The following TMCC1 variants were observed in gnomAD, a reference collection of about 807,000 sequenced individuals.
TMCC1 encodes the protein transmembrane and coiled-coil domain family 1.
In TMCC1, 15 loss-of-function variants were observed where a neutral mutation model predicts 52.4. The observed-to-expected ratio is 0.29, with a 90% CI of 0.19 to 0.44. The LOEUF (loss-of-function observed/expected upper bound fraction) is 0.44. TMCC1 is among the 20% of genes least tolerant of loss of function. The pLI is 1.00. For missense variants in TMCC1, 503 were observed against 806.0 expected (o/e 0.62, Z 4.55); for synonymous variants, 279 against 301.9 (o/e 0.92, Z 0.79).
At chr3:129,865,475 T>C (rs2060582099) in intron 2 of TMCC1, among the ~76,000 whole-genome samples, 1 of 152,110 alleles carries the variant, frequency 6.6e-6, no homozygotes, top group African/African-American at 2.4e-5. Context: ...AAAATAAGGA[T>C]GTATTATGTT....
At chr3:129,812,786 C>A (rs969115218) in intron 4 of TMCC1, among the ~76,000 whole-genome samples, 2 of 151,996 alleles carry the variant, frequency 1.3e-5, no homozygotes, top group Non-Finnish European at 1.5e-5. Flanking sequence ...AACAAAGATG[C>A]CAAAAGCGAT....
At chr3:129,741,019 CTT>C (rs1272504747) in intron 4 of TMCC1, among the ~76,000 whole-genome samples, 3 of 152,168 alleles carry the variant, frequency 2.0e-5, no homozygotes, top group Admixed American at 6.5e-5. Context: ...ATACCTTAAG[CTT>C]TCATATGTCT....
At chr3:129,746,897 C>T (rs750972818) in intron 4 of TMCC1, among the ~76,000 whole-genome samples, 1 of 152,122 alleles carries the variant, frequency 6.6e-6, no homozygotes, top group Non-Finnish European at 1.5e-5. Context: ...CTTACTTGGC[C>T]TCTTGCTAGT....
At chr3:129,810,509 A>T (rs2057747482) in intron 4 of TMCC1, among the ~76,000 whole-genome samples, 1 of 152,236 alleles carries the variant, frequency 6.6e-6, no homozygotes. Flanking sequence ...AACTCCTGAC[A>T]ATAGAAAACA....
At position 129,723,527 on chromosome 3, in the gene TMCC1, T is replaced by G. The variant is rs912399802; in HGVS notation, c.577-52263A>C. Among the ~76,000 whole-genome samples the G allele has an allele frequency of 1.7e-4, 25 of 151,056 alleles. 1 individual carries two copies. The highest frequency in any genetic ancestry group is 1.5e-4 in the Non-Finnish European group (10 of 67,808). ...AAGCAGTCCAAGGCAAATGAAACTC[T>G]TGTTCATTGAAAGAAACACTGATTT... On this transcript the variant is annotated intron_variant, in intron 4 of 6. Coordinates refer to ENST00000393238, the MANE Select transcript of TMCC1 (RefSeq NM_001017395.5).
At chr3:129,720,030 A>C (rs995010099) in intron 4 of TMCC1, among the ~76,000 whole-genome samples, 2 of 152,058 alleles carry the variant, frequency 1.3e-5, no homozygotes. Flanking sequence ...AAAAAGAAAT[A>C]AATTAGCAAA....
At chr3:129,729,435 C>T (rs1184189645) in intron 4 of TMCC1, among the ~76,000 whole-genome samples, 1 of 151,938 alleles carries the variant, frequency 6.6e-6, no homozygotes, top group Non-Finnish European at 1.5e-5. Context: ...GACATTTGAC[C>T]ATGTATTATA....
At chr3:129,740,841 T>A (rs951916764) in intron 4 of TMCC1, among the ~76,000 whole-genome samples, 3 of 152,200 alleles carry the variant, frequency 2.0e-5, no homozygotes, top group Non-Finnish European at 4.4e-5. Flanking sequence ...TTTCAAAGAT[T>A]CTAGCACACG....
chr3:129,756,334 T>C (rs922669688), intron 4 of TMCC1, among the ~76,000 whole-genome samples: 2 of 152,200 alleles, frequency 1.3e-5, no homozygotes, highest in Admixed American at 1.3e-4. Context: ...GTAATTACAT[T>C]CATACAATGG....
At chr3:129,732,817 C>G (rs2050645246) in intron 4 of TMCC1, among the ~76,000 whole-genome samples, 1 of 152,138 alleles carries the variant, frequency 6.6e-6, no homozygotes, top group Admixed American at 6.5e-5. Flanking sequence ...GCTTGAGGTT[C>G]ATGGTGCAAG....
In TMCC1 at chr3:129,886,962, A is replaced by C. The variant is rs190638525; in HGVS notation, c.-434-6403T>G. Among the ~76,000 whole-genome samples, 196 of 151,986 alleles carry C rather than the reference A, an allele frequency of 1.3e-3. 1 individual carries two copies. The highest frequency in any genetic ancestry group is 6.8e-3 in the Middle Eastern group (2 of 294). On this transcript the variant is annotated intron_variant, in intron 1 of 6. Transcript: ENST00000393238. The stretch of plus-strand genomic sequence containing the variant: ...AAATAAAATAAAATAAACAAAAAAA[A>C]CCCCAAAAGGCCAGGTATTATGATT...
intron 2 of TMCC1, among the ~76,000 whole-genome samples, chr3:129,871,779 C>A (rs543420480): frequency 6.6e-6 from 1 of 152,018 alleles, no homozygotes; most frequent in East Asian, 1.9e-4. Flanking sequence ...AATGTGTAAT[C>A]AATGAAAAAA....
intron 4 of TMCC1, among the ~76,000 whole-genome samples, chr3:129,720,201 A>AAAAAAAAAAAAAAAAAAAAAAAAAAAAG (rs1560263938): frequency 1.3e-5 from 2 of 151,198 alleles, no homozygotes; most frequent in African/African-American, 4.9e-5. Flanking sequence ...AAAAAAAAAA[A>AAAAAAAAAAAAAAAAAAAAAAAAAAAAG]AGAGATGGAA....
At chr3:129,751,340 G>A (rs2052497836) in intron 4 of TMCC1, among the ~76,000 whole-genome samples, 1 of 152,010 alleles carries the variant, frequency 6.6e-6, no homozygotes, top group Non-Finnish European at 1.5e-5. Context: ...GACAAGCCTG[G>A]GCAACATAGT....
chr3:129,839,921 T>G (rs546625675), intron 2 of TMCC1, among the ~76,000 whole-genome samples: 71 of 149,958 alleles, frequency 4.7e-4, no homozygotes, highest in African/African-American at 1.7e-3. Flanking sequence ...ATGCAACAAA[T>G]AGAGAAGAGC....
At chr3:129,868,213 G>A (rs561118250) in intron 2 of TMCC1, among the ~76,000 whole-genome samples, 14 of 151,998 alleles carry the variant, frequency 9.2e-5, no homozygotes, top group African/African-American at 2.4e-4. Flanking sequence ...ATGAAAATTC[G>A]CATACTATTG....
At chr3:129,824,366 A>G (rs1441084682) in intron 4 of TMCC1, among the ~76,000 whole-genome samples, 1 of 152,102 alleles carries the variant, frequency 6.6e-6, no homozygotes, top group Non-Finnish European at 1.5e-5. Context: ...ACAAACAGAA[A>G]CAAACTTTAA....
At chr3:129,885,061 C>T (rs1445225243) in intron 1 of TMCC1, among the ~76,000 whole-genome samples, 2 of 151,868 alleles carry the variant, frequency 1.3e-5, no homozygotes, top group Admixed American at 1.3e-4. Context: ...ATTGCTTGAA[C>T]CCGGGAGGTC....
intron 4 of TMCC1, among the ~76,000 whole-genome samples, chr3:129,777,326 C>T (rs374897718): frequency 4.6e-5 from 7 of 152,104 alleles, no homozygotes; most frequent in Non-Finnish European, 5.9e-5. Context: ...CATACTAGAG[C>T]AATTTAGAGT....
Sources: gnomAD v4.1 joint callset for allele counts (sites outside exome capture counted in the v4.1 genomes callset) on GRCh38, gnomAD v4.1.1 for gene constraint, MANE v1.5 for transcripts, NCBI Gene and HGNC (gene_info 2026-07-23, HGNC 2026-07-21) for gene names.